The following RALGPS1 variants were observed in gnomAD, a reference collection of about 807,000 sequenced individuals.
RALGPS1 encodes the protein Ral GEF with PH domain and SH3 binding motif 1.
A neutral mutation model predicts 78.8 loss-of-function variants in RALGPS1; 19 were observed. The observed-to-expected ratio is 0.24, with a 90% confidence interval of 0.17 to 0.35. The LOEUF is 0.35. RALGPS1 is among the 10% of genes least tolerant of loss of function. RALGPS1 has a pLI of 1.00. For synonymous variants in RALGPS1, 228 were observed against 256.3 expected, an observed-to-expected ratio of 0.89 and a Z score of 1.06; for missense variants, 454 against 688.3, an observed-to-expected ratio of 0.66 and a Z score of 3.81.
At chr9:127,095,540 G>A (rs1407013075) in intron 8 of RALGPS1, among the ~76,000 whole-genome samples, 1 of 152,334 alleles carries the variant, frequency 6.6e-6, no homozygotes, top group South Asian at 2.1e-4. Context: ...CTGCAGATGC[G>A]GTGCTGGGCA....
At chr9:127,002,201 A>G (rs2043373387) in intron 4 of RALGPS1, among the ~76,000 whole-genome samples, 1 of 152,186 alleles carries the variant, frequency 6.6e-6, no homozygotes, top group Non-Finnish European at 1.5e-5. Flanking sequence ...TTTGAACTTT[A>G]TATAAATAGA....
At chr9:127,152,115 A>C (rs1026517961) in intron 8 of RALGPS1, among the ~76,000 whole-genome samples, 2 of 151,944 alleles carry the variant, frequency 1.3e-5, no homozygotes, top group Non-Finnish European at 2.9e-5. Context: ...CATCTCTGAC[A>C]GTTCTCTCTT....
At chr9:126,948,680 C>T (rs2037510139) in intron 1 of RALGPS1, among the ~76,000 whole-genome samples, 1 of 152,168 alleles carries the variant, frequency 6.6e-6, no homozygotes, top group Non-Finnish European at 1.5e-5. Flanking sequence ...CATGGGGGCG[C>T]TTGAGAATGC....
Position 127,222,181 on chromosome 9 carries a change from A to G in RALGPS1, c.*3412A>G, listed in dbSNP as rs1417089795. The G allele has an allele frequency of 1.3e-5, 2 of 152,244 alleles. No homozygotes were observed. The highest frequency in any genetic ancestry group is 4.8e-5 in the African/African-American group (2 of 41,442). 9.4% of individuals were successfully genotyped at this position (152,244 alleles called of 1,614,324 possible). ...CCCTCATGGACCTGACCACTCAACA[A>G]ACAGTCCCCACCACACCTATCTCCT... On this transcript the variant is annotated 3_prime_UTR_variant, in exon 19 of 19. Coordinates refer to ENST00000259351, the MANE Select transcript of RALGPS1 (RefSeq NM_014636.3).
Position 127,011,458 on chromosome 9 carries a change from G to A in RALGPS1, c.217-22973G>A, listed in dbSNP as rs373815377. Among the ~76,000 whole-genome samples, 23 of 152,274 alleles carry A rather than the reference G, an allele frequency of 1.5e-4. No homozygotes were observed. The East Asian group carries it at 3.3e-3, about 22-fold the overall frequency. ...CTCCCGTAGTGCTGGGATTACAGGC[G>A]TGAGCCACTGTGCCTGGCCAAGAGC... is the stretch of plus-strand genomic sequence containing the variant. On this transcript the variant is annotated intron_variant, in intron 4 of 18. Coordinates refer to ENST00000259351, the MANE Select transcript of RALGPS1 (RefSeq NM_014636.3).
intron 1 of RALGPS1, among the ~76,000 whole-genome samples, chr9:126,926,112 G>A (rs150675664): frequency 6.6e-6 from 1 of 152,344 alleles, no homozygotes; most frequent in African/African-American, 2.4e-5. Flanking sequence ...ATTACCTGTG[G>A]TTTCCAATAT....
At chr9:127,182,575 G>T (rs577895645) in intron 11 of RALGPS1, among the ~76,000 whole-genome samples, 1 of 151,518 alleles carries the variant, frequency 6.6e-6, no homozygotes, top group Non-Finnish European at 1.5e-5. Flanking sequence ...GATTACAGTC[G>T]CCCGCCACCA....
At chr9:127,191,700 G>GCTTTTTTTTTTT (rs1554868027) in intron 11 of RALGPS1, among the ~76,000 whole-genome samples, 1 of 125,538 alleles carries the variant, frequency 8.0e-6, no homozygotes, top group African/African-American at 3.0e-5. Context: ...GTTTTTTTTT[G>GCTTTTTTTTTTT]TTTTTTTTTT....
intron 8 of RALGPS1, among the ~76,000 whole-genome samples, chr9:127,082,614 A>G (rs1326641940): frequency 6.6e-6 from 1 of 152,192 alleles, no homozygotes. Context: ...CTGTAGAGGC[A>G]GGAGCTCAGG....
At chr9:127,094,780 C>G (rs1490382600) in intron 8 of RALGPS1, among the ~76,000 whole-genome samples, 2 of 152,252 alleles carry the variant, frequency 1.3e-5, no homozygotes, top group African/African-American at 2.4e-5. Flanking sequence ...ATCCATGGCT[C>G]TCTTCTGAAA....
chr9:127,130,126 G>T (rs1437405397), intron 8 of RALGPS1, among the ~76,000 whole-genome samples: 1 of 152,234 alleles, frequency 6.6e-6, no homozygotes. Context: ...ATAGGAGTCA[G>T]CTAGGCTTGG....
At position 127,191,761 on chromosome 9, in the gene RALGPS1, G is replaced by C. The variant is rs1384070054; in HGVS notation, c.911-3330G>C. Among the ~76,000 whole-genome samples, 9 of 141,316 alleles carry C rather than the reference G, an allele frequency of 6.4e-5. No homozygotes were observed. The East Asian group carries it at 1.8e-3, about 28-fold the overall frequency. 92.7% of individuals were successfully genotyped at this position (141,316 alleles called of 152,430 possible). ...CACCCAGGCTGGAGTGCAGTGGCAC[G>C]ATCTCGGCTCACTGCAAGCTCTGCC... On this transcript the variant is annotated intron_variant, in intron 11 of 18. Coordinates refer to ENST00000259351, the MANE Select transcript of RALGPS1 (RefSeq NM_014636.3).
chr9:127,049,363 GTA>G (rs1162195443), intron 5 of RALGPS1, among the ~76,000 whole-genome samples: 1 of 152,208 alleles, frequency 6.6e-6, no homozygotes, highest in Non-Finnish European at 1.5e-5. Context: ...GGCTGTTGCA[GTA>G]TGTGAGAGGT....
At chr9:126,982,928 CTTTTTTTTTTTT>C (rs71377984) in intron 4 of RALGPS1, among the ~76,000 whole-genome samples, 1 of 34,594 alleles carries the variant, frequency 2.9e-5, no homozygotes, top group Non-Finnish European at 6.3e-5. Context: ...TCTTCTTCTT[CTTTTTTTTTTTT>C]TTTTTTTTTT....
At chr9:127,074,573 G>A (rs951854974) in intron 8 of RALGPS1, among the ~76,000 whole-genome samples, 1 of 152,192 alleles carries the variant, frequency 6.6e-6, no homozygotes, top group Admixed American at 6.5e-5. Context: ...CACTAGCAGA[G>A]GTGTTCCAGG....
chr9:127,084,758 G>A (rs1319821061), intron 8 of RALGPS1, among the ~76,000 whole-genome samples: 1 of 152,254 alleles, frequency 6.6e-6, no homozygotes, highest in South Asian at 2.1e-4. Context: ...ATGCTGGAGA[G>A]CCAGTGCGGG....
intron 1 of RALGPS1, among the ~76,000 whole-genome samples, chr9:126,937,305 C>T (rs772886279): frequency 6.6e-6 from 1 of 152,090 alleles, no homozygotes; most frequent in Non-Finnish European, 1.5e-5. Context: ...ACCATTTCTC[C>T]AATACCTAAG....
intron 8 of RALGPS1, among the ~76,000 whole-genome samples, chr9:127,161,471 G>A (rs903475381): frequency 2.0e-5 from 3 of 152,192 alleles, no homozygotes; most frequent in Non-Finnish European, 4.4e-5. Context: ...TCCTGGATCC[G>A]GGCCCCACGT....
At chr9:126,949,517 A>G (rs1358579860) in intron 1 of RALGPS1, among the ~76,000 whole-genome samples, 1 of 152,184 alleles carries the variant, frequency 6.6e-6, no homozygotes. Context: ...AACTGGTGTG[A>G]GATGGTATCT....
Sources: allele counts gnomAD v4.1 joint callset (sites outside exome capture counted in the v4.1 genomes callset), GRCh38; gene constraint gnomAD v4.1.1; transcripts MANE v1.5; gene names NCBI Gene and HGNC (gene_info 2026-07-23, HGNC 2026-07-21).